Variants in TSHZ2 observed in about 807,000 individuals in gnomAD.
The protein encoded by TSHZ2 is teashirt zinc finger homeobox 2.
TSHZ2 carries 21 observed loss-of-function variants against 74.4 expected under a neutral mutation model. The ratio of observed to expected loss-of-function variants is 0.28; its 90% confidence interval spans 0.20 to 0.41. The LOEUF is 0.41. Ranked by LOEUF, TSHZ2 falls within the 10% of genes least tolerant of loss-of-function variation. TSHZ2 has a pLI of 1.00. For missense variants in TSHZ2, 1,244 were observed against 1,293.5 expected, an observed-to-expected ratio of 0.96 and a Z score of 0.59; for synonymous variants, 540 against 515.3, an observed-to-expected ratio of 1.05 and a Z score of -0.65.
chr20:53,017,714 T>C (rs1356775790), intron 1 of TSHZ2, among the ~76,000 whole-genome samples: 1 of 152,196 alleles, frequency 6.6e-6, no homozygotes, highest in Admixed American at 6.5e-5. Context: ...GGCTAGAGAA[T>C]ACTTTGACAT....
At chr20:53,174,138 G>A (rs951982678) in intron 1 of TSHZ2, among the ~76,000 whole-genome samples, 4 of 152,170 alleles carry the variant, frequency 2.6e-5, no homozygotes, top group African/African-American at 4.8e-5. Flanking sequence ...TAGCTCTAAC[G>A]GTTTTAGCAT....
intron 1 of TSHZ2, among the ~76,000 whole-genome samples, chr20:53,032,927 A>G (rs1248244854): frequency 1.3e-5 from 2 of 152,154 alleles, no homozygotes; most frequent in East Asian, 1.9e-4. Context: ...AAATGTAGAT[A>G]ATAATCGTTC....
At chr20:53,394,398 T>A (rs763607761) in intron 2 of TSHZ2, among the ~76,000 whole-genome samples, 1 of 152,168 alleles carries the variant, frequency 6.6e-6, no homozygotes, top group Non-Finnish European at 1.5e-5. Context: ...TGAAAATAAG[T>A]TGTCTATAAA....
intron 1 of TSHZ2, among the ~76,000 whole-genome samples, chr20:53,138,456 G>T (rs1389616265): frequency 6.6e-6 from 1 of 151,148 alleles, no homozygotes; most frequent in Non-Finnish European, 1.5e-5. Flanking sequence ...TCACCTTAAG[G>T]TCTGCCTATT....
intron 1 of TSHZ2, among the ~76,000 whole-genome samples, chr20:53,207,991 T>C (rs1329651816): frequency 6.6e-6 from 1 of 151,008 alleles, no homozygotes; most frequent in Non-Finnish European, 1.5e-5. Context: ...GGAGCCACCA[T>C]GTCCAGCCTC....
rs202176609 is a variant in TSHZ2 at position 53,210,721 on chromosome 20, T to TG, written c.41-42771dup. 9.2e-3 allele frequency among the ~76,000 whole-genome samples: 1,392 copies of TG among 151,970 alleles called. 27 individuals carry two copies. Among genetic ancestry groups the TG allele is most frequent in the African/African-American group, 0.032 (1,344 of 41,430 alleles). ...TAAAGCTTCAGGTCTTCAGGCTTGA[T>TG]GGGGGGGCTCTTTGCTCAGGACCAC... is the stretch of plus-strand genomic sequence containing the variant. On this transcript the variant is annotated intron_variant, in intron 1 of 2. Coordinates refer to ENST00000371497, the MANE Select transcript of TSHZ2 (RefSeq NM_173485.6).
At chr20:53,050,105 A>G (rs1366146362) in intron 1 of TSHZ2, among the ~76,000 whole-genome samples, 55 of 28,138 alleles carry the variant, frequency 2.0e-3, no homozygotes, top group South Asian at 3.8e-3. Flanking sequence ...ATATGTGTGT[A>G]TATATATATA....
chr20:52,986,502 G>C (rs1981768700), intron 1 of TSHZ2, among the ~76,000 whole-genome samples: 1 of 151,862 alleles, frequency 6.6e-6, no homozygotes, highest in Admixed American at 6.6e-5. Flanking sequence ...AGCCGAGGTG[G>C]CAGATCACCT....
At chr20:53,035,652 A>C (rs1217685924) in intron 1 of TSHZ2, among the ~76,000 whole-genome samples, 1 of 152,170 alleles carries the variant, frequency 6.6e-6, no homozygotes, top group Non-Finnish European at 1.5e-5. Context: ...ATGTCGCTCC[A>C]AGCTGGATAT....
chr20:53,473,167 G>C (rs1254950190), intron 2 of TSHZ2, among the ~76,000 whole-genome samples: 2 of 146,870 alleles, frequency 1.4e-5, no homozygotes, highest in South Asian at 2.3e-4. Flanking sequence ...AGCTCAAGGA[G>C]TCCTGCCTGC....
chr20:53,168,029 T>A (rs998654272), intron 1 of TSHZ2, among the ~76,000 whole-genome samples: 1 of 152,160 alleles, frequency 6.6e-6, no homozygotes, highest in African/African-American at 2.4e-5. Flanking sequence ...GCAACCTGAT[T>A]TGTTGGACTG....
chr20:53,325,669 G>GATGTTTGT (rs1979458305), intron 2 of TSHZ2, among the ~76,000 whole-genome samples: 1 of 151,500 alleles, frequency 6.6e-6, no homozygotes, highest in Non-Finnish European at 1.5e-5. Flanking sequence ...TGCTTTGTTT[G>GATGTTTGT]TTGTTTGTTT....
chr20:52,994,858 G>A (rs1044637041), intron 1 of TSHZ2, among the ~76,000 whole-genome samples: 1 of 152,070 alleles, frequency 6.6e-6, no homozygotes, highest in African/African-American at 2.4e-5. Context: ...TAACATTTCC[G>A]AGAGTCCACC....
intron 1 of TSHZ2, among the ~76,000 whole-genome samples, chr20:53,252,115 A>G (rs987565114): frequency 6.6e-6 from 1 of 152,252 alleles, no homozygotes; most frequent in Non-Finnish European, 1.5e-5. Flanking sequence ...GGAGACAGCA[A>G]TTGCTCAATA....
intron 1 of TSHZ2, among the ~76,000 whole-genome samples, chr20:53,150,854 C>G (rs1023712584): frequency 6.6e-6 from 1 of 152,196 alleles, no homozygotes; most frequent in South Asian, 2.1e-4. Context: ...AACAGAAACA[C>G]TGAAATTGGG....
At chr20:53,204,791 G>A (rs1361666495) in intron 1 of TSHZ2, among the ~76,000 whole-genome samples, 1 of 152,060 alleles carries the variant, frequency 6.6e-6, no homozygotes, top group Non-Finnish European at 1.5e-5. Flanking sequence ...AGAAAGCTAA[G>A]TAACTTGTGG....
At chr20:53,472,254 C>CAGAT (rs1479015036) in intron 2 of TSHZ2, among the ~76,000 whole-genome samples, 2 of 152,212 alleles carry the variant, frequency 1.3e-5, no homozygotes, top group Non-Finnish European at 2.9e-5. Flanking sequence ...CCATCCAGGG[C>CAGAT]AGATAGGCGC....
chr20:53,291,993 T>TTA (rs1991286503), intron 2 of TSHZ2, among the ~76,000 whole-genome samples: 1 of 141,256 alleles, frequency 7.1e-6, no homozygotes, highest in African/African-American at 2.6e-5. Context: ...GGATAGCATT[T>TTA]AAAAAAAAAA....
intron 1 of TSHZ2, chr20:53,179,044 T>C (rs1988411416): frequency 6.6e-6 from 1 of 152,206 alleles, no homozygotes; most frequent in African/African-American, 2.4e-5. Flanking sequence ...TGCCAGTTGG[T>C]CAAACTCTTT....
Sources: gnomAD v4.1 joint callset for allele counts (sites outside exome capture counted in the v4.1 genomes callset) on GRCh38, gnomAD v4.1.1 for gene constraint, MANE v1.5 for transcripts, NCBI Gene and HGNC (gene_info 2026-07-23, HGNC 2026-07-21) for gene names.